Variants in TTC29 observed in about 807,000 individuals in gnomAD.
TTC29 encodes the protein tetratricopeptide repeat domain 29.
A neutral mutation model predicts 58.1 loss-of-function variants in TTC29; 49 were observed. That is an observed-to-expected ratio of 0.84 (90% CI 0.67 to 1.07). The LOEUF is 1.07. TTC29 is among the 50% of genes least tolerant of loss of function. The pLI is 0.00. For missense variants in TTC29, 582 were observed against 555.6 expected, an observed-to-expected ratio of 1.05 and a Z score of -0.48; for synonymous variants, 209 against 196.8, an observed-to-expected ratio of 1.06 and a Z score of -0.52.
intron 11 of TTC29, among the ~76,000 whole-genome samples, chr4:146,783,427 G>T (rs2150091005): frequency 6.6e-6 from 1 of 152,016 alleles, no homozygotes; most frequent in South Asian, 2.1e-4. Context: ...TTACTTTGGG[G>T]GTTAGGAGGA....
intron 10 of TTC29, among the ~76,000 whole-genome samples, chr4:146,805,075 G>GTGA (rs60008368): frequency 0.062 from 9,364 of 152,198 alleles, 384 homozygotes; most frequent in Admixed American, 0.13. Context: ...AGCCCCGCTG[G>GTGA]TGATACCCAG....
intron 11 of TTC29, among the ~76,000 whole-genome samples, chr4:146,729,410 C>T (rs1579541562): frequency 1.3e-5 from 2 of 152,014 alleles, no homozygotes; most frequent in Non-Finnish European, 2.9e-5. Flanking sequence ...CTCTTTGTGA[C>T]ATTTGAAGAC....
At chr4:146,820,816 A>G (rs979083224) in intron 9 of TTC29, among the ~76,000 whole-genome samples, 2 of 152,164 alleles carry the variant, frequency 1.3e-5, no homozygotes, top group Non-Finnish European at 2.9e-5. Context: ...GCGGATCACG[A>G]GGTCAGGAGA....
intron 4 of TTC29, among the ~76,000 whole-genome samples, chr4:146,914,569 A>G (rs1181888883): frequency 6.6e-6 from 1 of 152,176 alleles, no homozygotes; most frequent in East Asian, 1.9e-4. Context: ...CTGACAGGAA[A>G]AAAACGTGCC....
At chr4:146,784,759 A>C (rs570645325) in intron 11 of TTC29, among the ~76,000 whole-genome samples, 1 of 152,300 alleles carries the variant, frequency 6.6e-6, no homozygotes, top group African/African-American at 2.4e-5. Flanking sequence ...TTGTTATAAC[A>C]TCCTGGATGG....
intron 11 of TTC29, among the ~76,000 whole-genome samples, chr4:146,737,637 C>A (rs1285792619): frequency 1.4e-5 from 2 of 147,698 alleles, no homozygotes; most frequent in East Asian, 4.0e-4. Context: ...TAGCCACTGA[C>A]TTTGGAGTGG....
At chr4:146,865,969 C>A (rs1730535687) in intron 8 of TTC29, among the ~76,000 whole-genome samples, 1 of 152,110 alleles carries the variant, frequency 6.6e-6, no homozygotes, top group African/African-American at 2.4e-5. Context: ...AAGAAATTCA[C>A]TCAGGGTGCA....
chr4:146,824,119 C>A (rs921475321), intron 9 of TTC29, among the ~76,000 whole-genome samples: 4 of 152,132 alleles, frequency 2.6e-5, no homozygotes, highest in African/African-American at 9.7e-5. Context: ...ATTGCCCTGG[C>A]CAGAACATCC....
chr4:146,937,222 GTTTCTT>G (rs1735906815), intron 4 of TTC29, among the ~76,000 whole-genome samples: 1 of 151,990 alleles, frequency 6.6e-6, no homozygotes. Context: ...TTAGTAAGGT[GTTTCTT>G]TTTCTTTAAT....
chr4:146,744,931 C>T (rs1357402910), intron 11 of TTC29, among the ~76,000 whole-genome samples: 2 of 152,102 alleles, frequency 1.3e-5, no homozygotes, highest in Admixed American at 1.3e-4. Context: ...CCTCACCTTC[C>T]AATATCTTAG....
At chr4:146,764,768 G>A (rs531622626) in intron 11 of TTC29, among the ~76,000 whole-genome samples, 78 of 152,188 alleles carry the variant, frequency 5.1e-4, no homozygotes, top group African/African-American at 1.8e-3. Flanking sequence ...AGCAATGCTT[G>A]GAGACGTGGT....
At chr4:146,743,615 T>C (rs1308231815) in intron 11 of TTC29, among the ~76,000 whole-genome samples, 1 of 152,250 alleles carries the variant, frequency 6.6e-6, no homozygotes, top group East Asian at 1.9e-4. Context: ...CACAGTGGTG[T>C]CCTTCAAGTG....
chr4:146,889,307 C>T (rs181342200), intron 6 of TTC29, among the ~76,000 whole-genome samples: 90 of 152,148 alleles, frequency 5.9e-4, no homozygotes, highest in Non-Finnish European at 1.1e-3. Flanking sequence ...AAACCTAACC[C>T]TTTCAATAAT....
intron 8 of TTC29, among the ~76,000 whole-genome samples, chr4:146,854,318 A>G (rs1198923349): frequency 2.6e-5 from 4 of 151,992 alleles, no homozygotes; most frequent in South Asian, 2.1e-4. Flanking sequence ...TTTTGTAAAA[A>G]CTCAGAGAAT....
chr4:146,715,865 TATC>T (rs1742891594), intron 11 of TTC29, among the ~76,000 whole-genome samples: 2 of 152,182 alleles, frequency 1.3e-5, no homozygotes, highest in Non-Finnish European at 2.9e-5. Flanking sequence ...CGTATCAAAA[TATC>T]ATCCTGTATT....
At chr4:146,742,462 G>C (rs2150036135) in intron 11 of TTC29, among the ~76,000 whole-genome samples, 1 of 152,278 alleles carries the variant, frequency 6.6e-6, no homozygotes, top group South Asian at 2.1e-4. Context: ...ATAGCTAACA[G>C]TTTGTCCAGT....
chr4:146,869,959 C>A (rs767584111), intron 7 of TTC29, among the ~76,000 whole-genome samples: 9 of 151,672 alleles, frequency 5.9e-5, no homozygotes, highest in Non-Finnish European at 8.8e-5. Flanking sequence ...AGTGACACAT[C>A]AAAACTTATG....
At chr4:146,771,544 G>A (rs1303120928) in intron 11 of TTC29, among the ~76,000 whole-genome samples, 4 of 152,020 alleles carry the variant, frequency 2.6e-5, no homozygotes, top group Admixed American at 2.0e-4. Flanking sequence ...GTTCACTTAG[G>A]ATAATGGCCT....
chr4:146,786,373 T>C (rs1000780887), intron 11 of TTC29, among the ~76,000 whole-genome samples: 3 of 152,222 alleles, frequency 2.0e-5, no homozygotes, highest in African/African-American at 7.2e-5. Flanking sequence ...TTGAATCAAC[T>C]TGTAAAATTT....
Sources: gnomAD v4.1 joint callset for allele counts (sites outside exome capture counted in the v4.1 genomes callset) on GRCh38, gnomAD v4.1.1 for gene constraint, MANE v1.5 for transcripts, NCBI Gene and HGNC (gene_info 2026-07-23, HGNC 2026-07-21) for gene names.